The following PCCA variants were observed in gnomAD, a reference collection of about 807,000 sequenced individuals.
The protein encoded by PCCA is propionyl-CoA carboxylase alpha chain, mitochondrial.
In PCCA, 74 loss-of-function variants were observed where a neutral mutation model predicts 101.3. The observed-to-expected ratio is 0.73, with a 90% CI of 0.61 to 0.89. PCCA has a LOEUF of 0.89. Ranked by LOEUF, PCCA falls within the 40% of genes least tolerant of loss-of-function variation. The pLI is 0.00. For synonymous variants in PCCA, 294 were observed against 313.6 expected (o/e 0.94, Z 0.66); for missense variants, 891 against 907.0 (o/e 0.98, Z 0.23).
At chr13:100,244,372 A>G (rs2061321404) in intron 8 of PCCA, among the ~76,000 whole-genome samples, 1 of 151,958 alleles carries the variant, frequency 6.6e-6, no homozygotes, top group Non-Finnish European at 1.5e-5. Context: ...TTCTTTTATT[A>G]TTCCAACATG....
chr13:100,096,743 T>C (rs982552097), intron 1 of PCCA, among the ~76,000 whole-genome samples: 1 of 152,230 alleles, frequency 6.6e-6, no homozygotes, highest in African/African-American at 2.4e-5. Flanking sequence ...AAAGCTTTAG[T>C]GGTTTGGATA....
At chr13:100,150,533 C>T (rs932139233) in intron 4 of PCCA, 24 of 1,323,868 alleles carry the variant, frequency 1.8e-5, no homozygotes, top group African/African-American at 1.3e-4. Flanking sequence ...AGCTCCCCGG[C>T]GAGAACCACC....
intron 18 of PCCA, among the ~76,000 whole-genome samples, chr13:100,343,761 C>G (rs2071749798): frequency 1.3e-5 from 2 of 152,226 alleles, no homozygotes; most frequent in Non-Finnish European, 2.9e-5. Context: ...ACAATCTCAT[C>G]AGACTATACA....
intron 19 of PCCA, among the ~76,000 whole-genome samples, chr13:100,417,675 T>A (rs2078466165): frequency 6.6e-6 from 1 of 152,136 alleles, no homozygotes; most frequent in African/African-American, 2.4e-5. Context: ...TTCTATGTCC[T>A]CTACCCTTCT....
At chr13:100,212,711 C>A (rs10129081) in intron 7 of PCCA, among the ~76,000 whole-genome samples, 4,913 of 152,172 alleles carry the variant, frequency 0.032, 265 homozygotes, top group African/African-American at 0.11. Flanking sequence ...TTTATAATGT[C>A]TTTGTGTTAC....
In PCCA at chr13:100,456,907, G is replaced by C. The variant is rs546182781; in HGVS notation, c.1899+7602G>C. Among the ~76,000 whole-genome samples, 49 of 152,166 alleles carry C rather than the reference G, an allele frequency of 3.2e-4. No homozygotes were observed. The South Asian group carries it at 5.4e-3, about 17-fold the overall frequency. On this transcript the variant is annotated intron_variant, in intron 21 of 23. Coordinates refer to ENST00000376285, the MANE Select transcript of PCCA (RefSeq NM_000282.4). The stretch of plus-strand genomic sequence containing the variant: ...ATATCCAGCCTCCCACAAGAAGCTG[G>C]TGGAGCAGAGTGTTCCCTGACTCCT...
intron 18 of PCCA, among the ~76,000 whole-genome samples, chr13:100,359,339 G>A (rs1391601144): frequency 1.3e-5 from 2 of 152,132 alleles, no homozygotes; most frequent in East Asian, 3.9e-4. Flanking sequence ...ATCCTAGCCA[G>A]TGCAGTTGGA....
intron 20 of PCCA, among the ~76,000 whole-genome samples, chr13:100,440,158 ATATATATATAT>A (rs2080241503): frequency 7.8e-4 from 1 of 1,284 alleles, no homozygotes; most frequent in African/African-American, 7.9e-3. Context: ...GTATTAAATT[ATATATATATAT>A]ATATATATAT....
At chr13:100,369,969 C>T (rs927536517) in intron 19 of PCCA, among the ~76,000 whole-genome samples, 1 of 151,638 alleles carries the variant, frequency 6.6e-6, no homozygotes, top group Admixed American at 6.6e-5. Context: ...ATTGAGTCAC[C>T]ACTGAAGCCT....
At chr13:100,188,330 C>CAAAA (rs59950655) in intron 6 of PCCA, among the ~76,000 whole-genome samples, 2,894 of 106,788 alleles carry the variant, frequency 0.027, 35 homozygotes, top group South Asian at 0.039. Flanking sequence ...AAAACAAAAA[C>CAAAA]ACAAAGAAAG....
chr13:100,480,800 G>A (rs1002563598), intron 21 of PCCA, among the ~76,000 whole-genome samples: 1 of 152,154 alleles, frequency 6.6e-6, no homozygotes, highest in Non-Finnish European at 1.5e-5. Flanking sequence ...GACACAATGG[G>A]TTTTCTTTGC....
chr13:100,374,113 AAAAT>A lies in PCCA; in HGVS notation c.1746+5559_1746+5562del, dbSNP rs1197869415. Among the ~76,000 whole-genome samples, 349 of 152,182 alleles carry A rather than the reference AAAAT, an allele frequency of 2.3e-3. 4 individuals are homozygous for A. Among genetic ancestry groups the A allele is most frequent in the African/African-American group, 7.8e-3 (323 of 41,502 alleles). On this transcript the variant is annotated intron_variant, in intron 19 of 23. Transcript: ENST00000376285. ...GGTGACAGAGTGAGACTCTCTCTCA[AAAAT>A]AAATAAATAAATAAATAAAATAAAA...
intron 21 of PCCA, among the ~76,000 whole-genome samples, chr13:100,511,806 G>T (rs868519983): frequency 5.9e-5 from 9 of 152,174 alleles, no homozygotes; most frequent in Non-Finnish European, 1.3e-4. Flanking sequence ...AGCGCATGGG[G>T]TCTGCAGAAT....
At chr13:100,363,422 C>T (rs1007354577) in intron 18 of PCCA, among the ~76,000 whole-genome samples, 1 of 151,912 alleles carries the variant, frequency 6.6e-6, no homozygotes, top group Non-Finnish European at 1.5e-5. Flanking sequence ...CCTTTGTAGT[C>T]TCCATGTAGC....
At chr13:100,501,939 G>T (rs929239737) in intron 21 of PCCA, among the ~76,000 whole-genome samples, 2 of 151,582 alleles carry the variant, frequency 1.3e-5, no homozygotes, top group African/African-American at 4.9e-5. Context: ...TCAGGTGGGG[G>T]GCCTAGCGGT....
intron 16 of PCCA, among the ~76,000 whole-genome samples, chr13:100,313,652 T>G (rs1032730396): frequency 3.3e-5 from 5 of 151,926 alleles, no homozygotes; most frequent in Non-Finnish European, 7.4e-5. Flanking sequence ...AAGGAGGGGG[T>G]TTGTTTTGGG....
At position 100,464,144 on chromosome 13, in the gene PCCA, A is replaced by G. The variant is rs115180148; in HGVS notation, c.1899+14839A>G. ...TGGAATACTTCTTGCAGTGTTTTCC[A>G]TTTAAAATATTTGAGATTACAAGTT... On this transcript the variant is annotated intron_variant, in intron 21 of 23. Coordinates refer to ENST00000376285, the MANE Select transcript of PCCA (RefSeq NM_000282.4). Among the ~76,000 whole-genome samples, 680 of 152,304 alleles carry G rather than the reference A, an allele frequency of 4.5e-3. 5 individuals are homozygous for G. The highest frequency in any genetic ancestry group is 0.016 in the African/African-American group (651 of 41,554).
chr13:100,336,693 A>G (rs1444853873), intron 17 of PCCA, among the ~76,000 whole-genome samples: 4 of 152,140 alleles, frequency 2.6e-5, no homozygotes, highest in African/African-American at 9.7e-5. Context: ...ACAGAGGTAA[A>G]ACTGTCAAAA....
At chr13:100,494,955 A>C (rs1435051700) in intron 21 of PCCA, among the ~76,000 whole-genome samples, 1 of 152,146 alleles carries the variant, frequency 6.6e-6, no homozygotes, top group African/African-American at 2.4e-5. Context: ...TCTCCCTCTG[A>C]AATTCCATAG....
Sources: gnomAD v4.1 joint callset for allele counts (sites outside exome capture counted in the v4.1 genomes callset) on GRCh38, gnomAD v4.1.1 for gene constraint, MANE v1.5 for transcripts, NCBI Gene and HGNC (gene_info 2026-07-23, HGNC 2026-07-21) for gene names.